The following EFHB variants were observed in gnomAD, a reference collection of about 807,000 sequenced individuals.
EFHB encodes EF-hand domain-containing family member B.
In EFHB, 91 loss-of-function variants were observed where a neutral mutation model predicts 87.2. The observed-to-expected ratio is 1.04, with a 90% CI of 0.88 to 1.24. EFHB has a LOEUF of 1.24. EFHB is among the 50% of genes most tolerant of loss of function. EFHB has a pLI of 0.00. For missense variants in EFHB, 1,084 were observed against 998.8 expected, an observed-to-expected ratio of 1.09 and a Z score of -1.15; for synonymous variants, 325 against 333.6, an observed-to-expected ratio of 0.97 and a Z score of 0.28.
At chr3:19,886,367 C>A (rs1047536778) in intron 10 of EFHB, among the ~76,000 whole-genome samples, 4 of 152,250 alleles carry the variant, frequency 2.6e-5, no homozygotes, top group African/African-American at 9.6e-5. Context: ...AGTATCTCCA[C>A]TTTTTAGAAG....
intron 10 of EFHB, 95 bp from the exon 11 acceptor site, chr3:19,884,710 T>G: frequency 4.1e-6 from 5 of 1,214,506 alleles, no homozygotes; most frequent in Non-Finnish European, 5.8e-6. Flanking sequence ...ATCTAGTCTC[T>G]TCTTGCTAAT....
At chr3:19,884,944 A>G (rs1240871860) in intron 10 of EFHB, among the ~76,000 whole-genome samples, 1 of 151,370 alleles carries the variant, frequency 6.6e-6, no homozygotes, top group Non-Finnish European at 1.5e-5. Context: ...TAGAGCGGCC[A>G]GGCACGGTGG....
At chr3:19,917,123 C>T (rs1695259044) in intron 4 of EFHB, among the ~76,000 whole-genome samples, 1 of 151,872 alleles carries the variant, frequency 6.6e-6, no homozygotes, top group Non-Finnish European at 1.5e-5. Flanking sequence ...GTAATCCCAG[C>T]AGTCTGGGAG....
At chr3:19,898,521 C>G (rs1694560449) in intron 8 of EFHB, among the ~76,000 whole-genome samples, 1 of 152,124 alleles carries the variant, frequency 6.6e-6, no homozygotes, top group Non-Finnish European at 1.5e-5. Flanking sequence ...ATTTATTTTT[C>G]CTAAATAAAA....
chr3:19,943,099 T>C (rs1399972049), intron 1 of EFHB: 1 of 252,408 alleles, frequency 4.0e-6, no homozygotes, highest in East Asian at 1.0e-4. Context: ...CAATCAGCAA[T>C]CAGATTTGGC....
intron 6 of EFHB, among the ~76,000 whole-genome samples, chr3:19,899,839 GA>G (rs1182687143): frequency 1.3e-5 from 2 of 152,050 alleles, no homozygotes; most frequent in Admixed American, 6.6e-5. Context: ...TTGGGAGGCT[GA>G]GGTGGGCAGA....
chr3:19,915,505 A>G (rs887240860), intron 4 of EFHB, 92 bp from the exon 5 acceptor site: 5 of 741,976 alleles, frequency 6.7e-6, no homozygotes, highest in South Asian at 3.8e-5. Flanking sequence ...GAAATTAGGT[A>G]TGCTGGATGC....
At chr3:19,889,806 C>T (rs112490628) in intron 9 of EFHB, among the ~76,000 whole-genome samples, 241 of 152,130 alleles carry the variant, frequency 1.6e-3, no homozygotes, top group African/African-American at 4.9e-3. Flanking sequence ...CTGACCAACA[C>T]GGAGAAATCC....
chr3:19,908,562 AAGAGAGAG>A lies in EFHB; in HGVS notation c.1289-2821_1289-2814del, dbSNP rs71624361. ...AAAGAAAGAAAGAGAGAAAGAGAGA[AAGAGAGAG>A]AGAGAGAGAGAGAGAGAGAGAGAGA... On this transcript the variant is annotated intron_variant, in intron 5 of 12. Transcript: ENST00000295824. Among the ~76,000 whole-genome samples, 693 of 83,806 alleles carry A rather than the reference AAGAGAGAG, an allele frequency of 8.3e-3. 7 individuals carry two copies. Among genetic ancestry groups the A allele is most frequent in the Middle Eastern group, 0.031 (5 of 162 alleles). The allele number at this position is 83,806 out of a possible 152,430, so 55.0% of individuals were successfully genotyped here. A position where few individuals can be genotyped will look rare whatever the true frequency, so the allele number is the denominator to read the frequency against.
At chr3:19,939,340 C>T (rs1347562470) in intron 1 of EFHB, among the ~76,000 whole-genome samples, 7 of 145,934 alleles carry the variant, frequency 4.8e-5, no homozygotes, top group Non-Finnish European at 9.0e-5. Context: ...CCCAGTAGCA[C>T]GTCTTGCCAC....
chr3:19,931,020 CG>C (rs1323957711), intron 1 of EFHB, among the ~76,000 whole-genome samples: 2 of 151,992 alleles, frequency 1.3e-5, no homozygotes, highest in Non-Finnish European at 2.9e-5. Context: ...AAAAATTAGC[CG>C]GGTGTGGTGG....
chr3:19,903,833 T>C (rs1694750845), intron 6 of EFHB, among the ~76,000 whole-genome samples: 1 of 152,170 alleles, frequency 6.6e-6, no homozygotes, highest in Non-Finnish European at 1.5e-5. Flanking sequence ...CTAGAGCCAA[T>C]ACTGCCTGGG....
At chr3:19,924,957 T>C (rs1695567487) in intron 1 of EFHB, among the ~76,000 whole-genome samples, 1 of 151,716 alleles carries the variant, frequency 6.6e-6, no homozygotes, top group African/African-American at 2.4e-5. Flanking sequence ...TTAAATAGAG[T>C]TAGGATGGCC....
At position 19,933,993 on chromosome 3, in the gene EFHB, T is replaced by C. The variant is rs762038970; in HGVS notation, c.26A>G (p.His9Arg). The C allele has an allele frequency of 1.9e-6, 3 of 1,608,070 alleles. No individual in the cohort carries two copies. The highest frequency in any genetic ancestry group is 1.3e-5 in the African/African-American group (1 of 74,886). MNMEIGHP[H>R]EGKDDLGDKR... ...GTCTCCTAAATCATCCTTTCCTTCG[T>C]GGGGATGTCCAATCTCCATGTTCAT... The change falls in exon 1 of 13, where the codon CAC becomes CGC. Residue 9 changes from histidine (H) to arginine (R), a missense_variant. Coordinates refer to ENST00000295824, the MANE Select transcript of EFHB (RefSeq NM_144715.4).
At position 19,898,826 on chromosome 3, in the gene EFHB, C is replaced by T; in HGVS notation, c.1522G>A (p.Val508Ile). The change falls in exon 8 of 13, where the codon GTT becomes ATT. Residue 508 changes from valine (V) to isoleucine (I), a missense_variant. Coordinates refer to ENST00000295824, the MANE Select transcript of EFHB (RefSeq NM_144715.4). ...VLDPIAETMN[V>I]PPDCTFGACL... ...GCTCCAAATGTGCAGTCTGGGGGAA[C>T]ATTCATTGTTTCTGCAATGCTATCA... is the stretch of plus-strand genomic sequence containing the variant. 5.6e-6 allele frequency: 9 copies of T among 1,613,736 alleles called. No individual in the cohort carries two copies. The highest frequency in any genetic ancestry group is 5.9e-6 in the Non-Finnish European group (7 of 1,179,810).
At chr3:19,934,257 G>T (rs1258364416), upstream of EFHB, 26 of 1,415,772 alleles carry the variant, frequency 1.8e-5, no homozygotes, top group Non-Finnish European at 2.3e-5. Flanking sequence ...GGGGCTTGGC[G>T]CTCAAGTCCT....
At chr3:19,936,119 G>A (rs1279378707), upstream of EFHB, 6 of 1,417,680 alleles carry the variant, frequency 4.2e-6, no homozygotes, top group Non-Finnish European at 5.5e-6. Flanking sequence ...AAGTGTGTAG[G>A]GGTCTGGACA....
At chr3:19,888,140 C>G (rs530858404) in intron 10 of EFHB, among the ~76,000 whole-genome samples, 1 of 152,070 alleles carries the variant, frequency 6.6e-6, no homozygotes, top group Admixed American at 6.5e-5. Flanking sequence ...AAATAAAAAC[C>G]ATGTATAAAT....
chr3:19,924,266 T>G (rs1455804101), intron 1 of EFHB, among the ~76,000 whole-genome samples: 1 of 150,694 alleles, frequency 6.6e-6, no homozygotes, highest in Non-Finnish European at 1.5e-5. Context: ...CAGGCTGGAG[T>G]GCAGTTGTGT....
Sources: allele counts gnomAD v4.1 joint callset (sites outside exome capture counted in the v4.1 genomes callset), GRCh38; gene constraint gnomAD v4.1.1; transcripts MANE v1.5; gene names NCBI Gene and HGNC (gene_info 2026-07-23, HGNC 2026-07-21).